Variants in BUD13 observed in about 807,000 individuals in gnomAD.
BUD13 encodes the protein BUD13 spliceosome associated protein.
A neutral mutation model predicts 62.5 loss-of-function variants in BUD13; 47 were observed. That is an observed-to-expected ratio of 0.75 (90% confidence interval 0.60 to 0.96). The LOEUF (loss-of-function observed/expected upper bound fraction) is 0.96. BUD13 is among the 40% of genes least tolerant of loss of function. BUD13 has a pLI of 0.00. For synonymous variants in BUD13, 293 were observed against 280.1 expected (o/e 1.05, Z -0.46); for missense variants, 821 against 790.9 (o/e 1.04, Z -0.46).
intron 2 of BUD13, among the ~76,000 whole-genome samples, chr11:116,767,673 G>A (rs1237619106): frequency 6.8e-6 from 1 of 147,480 alleles, no homozygotes; most frequent in Non-Finnish European, 1.5e-5. Flanking sequence ...GTTTTGTTTT[G>A]TTAATAATCC....
chr11:116,749,151 C>A (rs61905088), intron 9 of BUD13, among the ~76,000 whole-genome samples: 16,945 of 152,104 alleles, frequency 0.11, 1,259 homozygotes, highest in African/African-American at 0.21. Flanking sequence ...ACTCTAAAAG[C>A]CTGGTTCTCT....
Position 116,762,935 on chromosome 11 carries a change from G to A in BUD13, c.654C>T (p.Val218=). Residue 218 remains valine (V), a synonymous_variant, in exon 4 of 10, where the codon GTC becomes GTT. Transcript: ENST00000260210. ...GAGAGGGATCTGGTGAATCATGACG[G>A]ACTCTCCTAGGAGATGCACCTGAAG... ...HNSSGASPRR[V]RHDSPDPSPP... The A allele has an allele frequency of 6.2e-7, 1 of 1,614,086 alleles. No homozygotes were observed.
Position 116,759,111 on chromosome 11 carries a change from C to T in BUD13, c.1323G>A (p.Glu441=). ...VLTDIQREQQ[E]LKEQDQETMA... ...TGGTTTCTTGATCCTGTTCCTTGAG[C>T]TCCTGCTGTTCTCGCTGTATGTCAG... Residue 441 remains glutamate (E), a synonymous_variant, in exon 6 of 10, where the codon GAG becomes GAA. Transcript: ENST00000260210. The T allele has an allele frequency of 1.2e-6, 2 of 1,613,898 alleles. No individual in the cohort carries two copies.
intron 2 of BUD13, among the ~76,000 whole-genome samples, chr11:116,766,185 A>G (rs1264100293): frequency 3.3e-5 from 5 of 152,340 alleles, no homozygotes; most frequent in African/African-American, 7.2e-5. Flanking sequence ...GTAAGTCCAC[A>G]TGACAAACTT....
chr11:116,762,948 G>C lies in BUD13; in HGVS notation c.641C>G (p.Ser214Cys), dbSNP rs773069568. ...TGAATCATGACGGACTCTCCTAGGA[G>C]ATGCACCTGAAGAATTATGCTGAGG... ...RRPQHNSSGA[S>C]PRRVRHDSPD... The change falls in exon 4 of 10, where the codon TCT (serine) becomes TGT (cysteine). Residue 214 changes from serine (S) to cysteine (C), a missense_variant. Ser to Cys is a moderately radical substitution (Grantham distance 112, BLOSUM62 -1). Transcript: ENST00000260210. The C allele has an allele frequency of 1.2e-6, 2 of 1,614,098 alleles. No homozygotes were observed. The highest frequency in any genetic ancestry group is 1.1e-5 in the South Asian group (1 of 91,084).
intron 2 of BUD13, among the ~76,000 whole-genome samples, chr11:116,768,214 A>G (rs914440388): frequency 1.3e-5 from 2 of 152,166 alleles, no homozygotes; most frequent in Non-Finnish European, 2.9e-5. Context: ...ACGATGTATG[A>G]TATTTTATAA....
In BUD13 at chr11:116,753,317, C is replaced by A. The variant is rs138261236; in HGVS notation, c.1766+3829G>T. 6.2e-3 allele frequency among the ~76,000 whole-genome samples: 947 copies of A among 152,284 alleles called. 10 individuals carry two copies. Among genetic ancestry groups the A allele is most frequent in the South Asian group, 8.3e-3 (40 of 4,828 alleles). On this transcript the variant is annotated intron_variant, in intron 9 of 9. Coordinates refer to ENST00000260210, the MANE Select transcript of BUD13 (RefSeq NM_032725.4). ...AGAGATGAACCTCAAAATCTACATA[C>A]AAACCCTAGTCAAATCCTTGGCTAA...
rs181026346 is a variant in BUD13 at position 116,756,807 on chromosome 11, A to G, written c.1766+339T>C. On this transcript the variant is annotated intron_variant, in intron 9 of 9. Coordinates refer to ENST00000260210, the MANE Select transcript of BUD13 (RefSeq NM_032725.4). ...GATTCAGAGGCTACATTTTAAAGATATATCAGGTAGAAGGCTCCAGACTAC... is the reference window on the plus strand; with the variant it reads ...GATTCAGAGGCTACATTTTAAAGATGTATCAGGTAGAAGGCTCCAGACTAC... Among the ~76,000 whole-genome samples, 12 of 152,320 alleles carry G rather than the reference A, an allele frequency of 7.9e-5. No individual in the cohort carries two copies. The South Asian group carries it at 1.7e-3, about 21-fold the overall frequency.
At chr11:116,766,539 G>A (rs983472909) in intron 2 of BUD13, among the ~76,000 whole-genome samples, 4 of 152,264 alleles carry the variant, frequency 2.6e-5, no homozygotes, top group East Asian at 1.9e-4. Flanking sequence ...ACCCCAGCTC[G>A]GCCACTTAGC....
chr11:116,765,552 C>T, intron 2 of BUD13, 106 bp from the exon 3 acceptor site: 7 of 1,166,612 alleles, frequency 6.0e-6, no homozygotes, highest in South Asian at 1.3e-5. Flanking sequence ...AACACAAGGG[C>T]GTACATATAT....
At chr11:116,764,598 G>C (rs189179186) in intron 3 of BUD13, among the ~76,000 whole-genome samples, 6 of 152,206 alleles carry the variant, frequency 3.9e-5, no homozygotes, top group Non-Finnish European at 5.9e-5. Flanking sequence ...TGTCTTCCTA[G>C]ACAAACAGAC....
chr11:116,763,104 G>A lies in BUD13; in HGVS notation c.485C>T (p.Pro162Leu). The A allele has an allele frequency of 6.3e-7, 1 of 1,577,224 alleles. No homozygotes were observed. Among genetic ancestry groups the A allele is most frequent in the Non-Finnish European group, 8.7e-7 (1 of 1,155,214 alleles). Residue 162 changes from proline (P) to leucine (L), a missense_variant, in exon 4 of 10, where the codon CCT becomes CTT. By Grantham distance (98) the Pro-to-Leu change is moderately conservative (BLOSUM62 -3). Around this residue, in one of 2 missense-constraint regions of BUD13, gnomAD observed 800 missense variants for 739.2 expected, o/e 1.08. Transcript: ENST00000260210. ...ATGACGAGCCCCTCTGAGGGGAGAA[G>A]GATCCGGGGTGTCATGACGGGCCCT... ...PRRARHDTPDPSPLRGARHDS... is the reference protein window; with the variant it reads ...PRRARHDTPDLSPLRGARHDS...
chr11:116,748,752 C>CCAGCA (rs1940182418), intron 9 of BUD13, among the ~76,000 whole-genome samples, 177 bp from the exon 10 acceptor site: 1 of 152,124 alleles, frequency 6.6e-6, no homozygotes, highest in Non-Finnish European at 1.5e-5. Context: ...CTTTGGGAGG[C>CCAGCA]CAAGGCGGGT....
intron 2 of BUD13, among the ~76,000 whole-genome samples, chr11:116,768,857 CA>C (rs1212714676): frequency 1.3e-5 from 2 of 150,492 alleles, no homozygotes; most frequent in African/African-American, 4.9e-5. Flanking sequence ...CAAAAAAAAA[CA>C]CAAAAAATTA....
Position 116,763,282 on chromosome 11 carries a change from A to C in BUD13, c.323-16T>G. ...TCGTTGTGGCCTAAACACAAATAACAAAGAGTCAGATTCCCACAAATGCTC... is the reference window on the plus strand; with the variant it reads ...TCGTTGTGGCCTAAACACAAATAACCAAGAGTCAGATTCCCACAAATGCTC... On this transcript the variant is annotated splice_polypyrimidine_tract_variant and intron_variant, in intron 3 of 9. Coordinates refer to ENST00000260210, the MANE Select transcript of BUD13 (RefSeq NM_032725.4). 6.6e-7 allele frequency: 1 copy of C among 1,521,028 alleles called. No individual in the cohort carries two copies. The highest frequency in any genetic ancestry group is 8.8e-7 in the Non-Finnish European group (1 of 1,135,678). The allele number at this position is 1,521,028 out of a possible 1,614,324, so 94.2% of individuals were successfully genotyped here.
intron 4 of BUD13, among the ~76,000 whole-genome samples, chr11:116,762,348 A>T (rs921502823): frequency 1.3e-5 from 2 of 152,242 alleles, no homozygotes; most frequent in African/African-American, 4.8e-5. Flanking sequence ...TTGTACTTTT[A>T]TATGGGGTGG....
chr11:116,757,692 A>C (rs1478700609), intron 8 of BUD13, 74 bp downstream of exon 8: 2 of 1,402,692 alleles, frequency 1.4e-6, no homozygotes, highest in African/African-American at 2.9e-5. Context: ...TTCTTTGCAT[A>C]TAGCTATGTA....
chr11:116,768,022 C>T (rs1940563006), intron 2 of BUD13, among the ~76,000 whole-genome samples: 1 of 144,806 alleles, frequency 6.9e-6, no homozygotes, highest in African/African-American at 2.6e-5. Context: ...AATAATAGTG[C>T]TCTAATATTG....
intron 2 of BUD13, among the ~76,000 whole-genome samples, 156 bp downstream of exon 2, chr11:116,769,973 T>C (rs1273679905): frequency 6.6e-6 from 1 of 150,538 alleles, no homozygotes; most frequent in East Asian, 2.0e-4. Context: ...AGGAGAATCA[T>C]CTGAACCCGG....
Sources: allele counts gnomAD v4.1 joint callset (sites outside exome capture counted in the v4.1 genomes callset), GRCh38; gene constraint gnomAD v4.1.1; regional missense constraint gnomAD v4.1.1; transcripts MANE v1.5; gene names NCBI Gene and HGNC (gene_info 2026-07-23, HGNC 2026-07-21).